The following PRRG4 variants were observed in gnomAD, a reference collection of about 807,000 sequenced individuals.
PRRG4 encodes proline rich and Gla domain 4, also known as transmembrane gamma-carboxyglutamic acid protein 4.
PRRG4 carries 12 observed loss-of-function variants against 20.0 expected under a neutral mutation model. That is an observed-to-expected ratio of 0.60 (90% CI 0.38 to 0.97). PRRG4 has a LOEUF of 0.97. Among genes scored for constraint, PRRG4 ranks in the 50% least tolerant of loss-of-function variants. The pLI is 0.00. For synonymous variants in PRRG4, 94 were observed against 96.4 expected (o/e 0.98, Z 0.15); for missense variants, 199 against 265.1 (o/e 0.75, Z 1.73).
intron 3 of PRRG4, among the ~76,000 whole-genome samples, chr11:32,837,304 TCTC>T (rs145391384): frequency 0.013 from 1,958 of 152,222 alleles, 40 homozygotes; most frequent in African/African-American, 0.045. Flanking sequence ...TGCCAGGTAT[TCTC>T]CTTGAACCTG....
At chr11:32,839,212 A>C (rs927363197) in intron 4 of PRRG4, among the ~76,000 whole-genome samples, 3 of 152,232 alleles carry the variant, frequency 2.0e-5, no homozygotes, top group Non-Finnish European at 2.9e-5. Flanking sequence ...GAATAAAAGC[A>C]GATTCTATTC....
Position 32,855,502 on chromosome 11 carries a change from C to T in PRRG4, c.*1975C>T, listed in dbSNP as rs1209788043. On this transcript the variant is annotated 3_prime_UTR_variant, in exon 6 of 6. Transcript: ENST00000257836. ...AACCCACATGTTTGATAGTTCCTAC[C>T]AAATTAAAAGTTTAGAAAGCATAAA... 6.6e-6 allele frequency: 1 copy of T among 152,040 alleles called. No individual in the cohort carries two copies. The highest frequency in any genetic ancestry group is 1.5e-5 in the Non-Finnish European group (1 of 68,016). The allele number at this position is 152,040 out of a possible 1,614,324, so 9.4% of individuals were successfully genotyped here. A position where few individuals can be genotyped will look rare whatever the true frequency, so the allele number is the denominator to read the frequency against.
intron 3 of PRRG4, among the ~76,000 whole-genome samples, chr11:32,837,967 C>T (rs1851039752): frequency 1.3e-5 from 2 of 152,100 alleles, no homozygotes; most frequent in Non-Finnish European, 2.9e-5. Context: ...TCCTTCCCTA[C>T]AAGTATTTGC....
At position 32,840,010 on chromosome 11, in the gene PRRG4, C is replaced by A; in HGVS notation, c.317-97C>A. ...AGAAGTCAACATCAATGATTAGATG[C>A]TGTATAATGTGTTTAGAACCAGGAT... On this transcript the variant is annotated intron_variant, in intron 4 of 5. Coordinates refer to ENST00000257836, the MANE Select transcript of PRRG4 (RefSeq NM_024081.6). This position sits in a 1 kb window ranked among gnomAD's most constrained non-coding sequence, Gnocchi z 4.1. 2 of 811,256 alleles carry A rather than the reference C, an allele frequency of 2.5e-6. No homozygotes were observed. Among genetic ancestry groups the A allele is most frequent in the Non-Finnish European group, 3.8e-6 (2 of 523,658 alleles). 50.3% of individuals were successfully genotyped at this position (811,256 alleles called of 1,614,324 possible). A position where few individuals can be genotyped will look rare whatever the true frequency, so the allele number is the denominator to read the frequency against.
In PRRG4 at chr11:32,849,060, G is replaced by A. The variant is rs149806498; in HGVS notation, c.450-4236G>A. ...AAGGTGAAGTCATGAGGGTAGGTAA[G>A]TTCTCTAAGTGTAATAAAGGAGCTG... On this transcript the variant is annotated intron_variant, in intron 5 of 5. Coordinates refer to ENST00000257836, the MANE Select transcript of PRRG4 (RefSeq NM_024081.6). Among the ~76,000 whole-genome samples the A allele has an allele frequency of 2.0e-5, 3 of 152,012 alleles. No individual in the cohort carries two copies. The East Asian group carries it at 5.8e-4, about 30-fold the overall frequency.
chr11:32,841,827 T>A (rs1028399014), intron 5 of PRRG4, among the ~76,000 whole-genome samples: 1 of 151,964 alleles, frequency 6.6e-6, no homozygotes, highest in Admixed American at 6.6e-5. Flanking sequence ...TAGGAGAAAA[T>A]TTGGATATAG....
At chr11:32,835,311 A>G (rs1028934286) in intron 2 of PRRG4, among the ~76,000 whole-genome samples, 3 of 152,248 alleles carry the variant, frequency 2.0e-5, no homozygotes, top group African/African-American at 7.2e-5. Context: ...TTTCCAGACC[A>G]TGATCTCTCA....
chr11:32,831,187 G>A (rs1041664155), intron 2 of PRRG4, among the ~76,000 whole-genome samples: 3 of 152,132 alleles, frequency 2.0e-5, no homozygotes, highest in Non-Finnish European at 4.4e-5. Context: ...TGCTAACCTG[G>A]AAGTCCACAG....
intron 3 of PRRG4, among the ~76,000 whole-genome samples, chr11:32,837,529 GATGATGATGATGATTATT>G (rs774056172): frequency 0.017 from 1,967 of 112,784 alleles, 13 homozygotes; most frequent in African/African-American, 0.026. Context: ...TGATGATGAT[GATGATGATGATGATTATT>G]ATTATTATTA....
In PRRG4 at chr11:32,853,306, G is replaced by A. The variant is rs199814869; in HGVS notation, c.460G>A (p.Val154Ile). ...NRLQHPCSSA[V>I]YERGRHTPSI... ...TGTCTCTCTGCTTAGCTCTTCAGCC[G>A]TCTATGAAAGGGGGAGGCACACTCC... The change falls in exon 6 of 6, where the codon GTC becomes ATC. Residue 154 changes from valine to isoleucine, a missense_variant. Coordinates refer to ENST00000257836, the MANE Select transcript of PRRG4 (RefSeq NM_024081.6). 46 of 1,613,548 alleles carry A rather than the reference G, an allele frequency of 2.9e-5. 1 individual carries two copies. The highest frequency in any genetic ancestry group is 1.9e-4 in the African/African-American group (14 of 74,972).
Position 32,829,942 on chromosome 11 carries a change from C to A in PRRG4, c.-254C>A. Reference sequence around the variant, plus strand: ...TCCTCCCGTCCTCCGTCGGCCGCCTCCCCGGACCGAGGCAGGACCTCACCC... The same window carrying A: ...TCCTCCCGTCCTCCGTCGGCCGCCTACCCGGACCGAGGCAGGACCTCACCC... On this transcript the variant is annotated 5_prime_UTR_variant, in exon 1 of 6. Transcript: ENST00000257836. 1 of 985,488 alleles carries A rather than the reference C, an allele frequency of 1.0e-6. No individual in the cohort carries two copies. Among genetic ancestry groups the A allele is most frequent in the Non-Finnish European group, 1.2e-6 (1 of 829,956 alleles). 61.0% of individuals were successfully genotyped at this position (985,488 alleles called of 1,614,324 possible).
rs1395154357 is a variant in PRRG4 at position 32,840,084 on chromosome 11, T to G, written c.317-23T>G. 1 of 1,548,728 alleles carries G rather than the reference T, an allele frequency of 6.5e-7. No homozygotes were observed. The highest frequency in any genetic ancestry group is 1.4e-5 in the African/African-American group (1 of 73,480). On this transcript the variant is annotated intron_variant, in intron 4 of 5. Transcript: ENST00000257836. The surrounding 1 kb of genome is among the most constrained non-coding windows in gnomAD (Gnocchi z 4.1). ...ATGCTATATAGTTGTTATATTTATG[T>G]TATTTTAATGATTTATTTTAAGATG...
intron 2 of PRRG4, 32 bp downstream of exon 2, chr11:32,830,664 C>A (rs757454528): frequency 1.2e-6 from 2 of 1,613,646 alleles, no homozygotes; most frequent in South Asian, 2.2e-5. Flanking sequence ...GAACCCAGAG[C>A]CGCATAGCAC....
intron 5 of PRRG4, among the ~76,000 whole-genome samples, chr11:32,852,175 C>T (rs570788922): frequency 6.6e-6 from 1 of 152,060 alleles, no homozygotes; most frequent in South Asian, 2.1e-4. Context: ...GGGAACGATA[C>T]TAGTGAAAGC....
rs534484931 is a variant in PRRG4 at position 32,829,957 on chromosome 11, G to A, written c.-239G>A. On this transcript the variant is annotated 5_prime_UTR_variant, in exon 1 of 6. Coordinates refer to ENST00000257836, the MANE Select transcript of PRRG4 (RefSeq NM_024081.6). ...TCGGCCGCCTCCCCGGACCGAGGCA[G>A]GACCTCACCCCGCGCGTGTTCCCCG... 6.3e-5 allele frequency: 62 copies of A among 985,708 alleles called. No individual in the cohort carries two copies. In the Admixed American group the frequency reaches 1.6e-3, roughly 25 times the overall value. 61.1% of individuals were successfully genotyped at this position (985,708 alleles called of 1,614,324 possible). A position where few individuals can be genotyped will look rare whatever the true frequency, so the allele number is the denominator to read the frequency against.
At chr11:32,847,055 C>T (rs1851137653) in intron 5 of PRRG4, among the ~76,000 whole-genome samples, 1 of 151,778 alleles carries the variant, frequency 6.6e-6, no homozygotes. Flanking sequence ...TGAACCTAAG[C>T]TTCTGTGCTG....
chr11:32,847,457 G>C (rs1452361834), intron 5 of PRRG4, among the ~76,000 whole-genome samples: 1 of 152,156 alleles, frequency 6.6e-6, no homozygotes, highest in Non-Finnish European at 1.5e-5. Context: ...TGTAATTCCA[G>C]CTATTCTAGA....
intron 3 of PRRG4, 85 bp downstream of exon 3, chr11:32,836,906 C>A (rs115206926): frequency 3.7e-6 from 4 of 1,074,630 alleles, no homozygotes; most frequent in Admixed American, 4.2e-5. Context: ...AGATTTTATG[C>A]CTTAAACACA....
At chr11:32,852,658 C>T (rs1002762011) in intron 5 of PRRG4, among the ~76,000 whole-genome samples, 1 of 152,018 alleles carries the variant, frequency 6.6e-6, no homozygotes, top group Non-Finnish European at 1.5e-5. Context: ...GCTCAATCCA[C>T]ACAAACCAAC....
Sources: allele counts gnomAD v4.1 joint callset (sites outside exome capture counted in the v4.1 genomes callset), GRCh38; gene constraint gnomAD v4.1.1; non-coding constraint Gnocchi (gnomAD v3.1); transcripts MANE v1.5; gene names NCBI Gene and HGNC (gene_info 2026-07-23, HGNC 2026-07-21).